Variants in RSRC1 observed in about 807,000 individuals in gnomAD.
RSRC1 encodes arginine and serine rich coiled-coil 1, also known as serine/Arginine-related protein 53.
In RSRC1, 39 loss-of-function variants were observed where a neutral mutation model predicts 49.1. That is an observed-to-expected ratio of 0.79 (90% CI 0.61 to 1.04). The LOEUF (loss-of-function observed/expected upper bound fraction) is 1.04, where lower values mean the gene tolerates loss of function less well. Ranked by LOEUF, RSRC1 falls within the 50% of genes least tolerant of loss-of-function variation. RSRC1 has a pLI of 0.00. For missense variants in RSRC1, 388 were observed against 402.4 expected, an observed-to-expected ratio of 0.96 and a Z score of 0.31; for synonymous variants, 143 against 130.8, an observed-to-expected ratio of 1.09 and a Z score of -0.63.
intron 4 of RSRC1, among the ~76,000 whole-genome samples, chr3:158,263,535 C>G (rs73874350): frequency 0.077 from 11,649 of 152,042 alleles, 538 homozygotes; most frequent in South Asian, 0.13. Context: ...AATGCTGGCC[C>G]AAAGAATGAG....
At chr3:158,193,559 C>T (rs959951023) in intron 3 of RSRC1, among the ~76,000 whole-genome samples, 1 of 151,934 alleles carries the variant, frequency 6.6e-6, no homozygotes, top group Non-Finnish European at 1.5e-5. Context: ...GAAAATAACC[C>T]GTATGTCTAT....
intron 6 of RSRC1, among the ~76,000 whole-genome samples, chr3:158,382,432 G>T (rs933267607): frequency 5.3e-5 from 8 of 152,188 alleles, no homozygotes; most frequent in African/African-American, 1.9e-4. Flanking sequence ...AGCACAGTTG[G>T]TTTGTTTACA....
At chr3:158,258,895 C>A (rs1294291570) in intron 4 of RSRC1, among the ~76,000 whole-genome samples, 1 of 152,016 alleles carries the variant, frequency 6.6e-6, no homozygotes, top group Non-Finnish European at 1.5e-5. Context: ...CTGCTGGATT[C>A]TTTTAAATTA....
intron 6 of RSRC1, among the ~76,000 whole-genome samples, chr3:158,377,480 A>G (rs974167915): frequency 1.3e-5 from 2 of 152,024 alleles, no homozygotes; most frequent in African/African-American, 4.8e-5. Flanking sequence ...TGGTTGTTTA[A>G]AAGAGTGTAG....
chr3:158,125,541 T>C (rs989365751), intron 3 of RSRC1, among the ~76,000 whole-genome samples: 1 of 152,232 alleles, frequency 6.6e-6, no homozygotes, highest in African/African-American at 2.4e-5. Context: ...ATTTTTCTAC[T>C]GCTATTGATG....
At chr3:158,423,705 A>G (rs564714582) in intron 6 of RSRC1, among the ~76,000 whole-genome samples, 121 of 152,282 alleles carry the variant, frequency 7.9e-4, no homozygotes, top group African/African-American at 2.8e-3. Flanking sequence ...CTTCCTACCA[A>G]TGAGCATGGA....
intron 7 of RSRC1, among the ~76,000 whole-genome samples, chr3:158,529,204 A>ATG (rs930396695): frequency 2.1e-4 from 28 of 133,766 alleles, no homozygotes; most frequent in African/African-American, 4.4e-4. Context: ...GTATATATGT[A>ATG]TGTGTGTGTG....
At chr3:158,116,619 A>G (rs555441818) in intron 1 of RSRC1, among the ~76,000 whole-genome samples, 7 of 152,218 alleles carry the variant, frequency 4.6e-5, no homozygotes, top group African/African-American at 1.7e-4. Context: ...ATTTGTGCTA[A>G]GGTGCCAGCA....
intron 4 of RSRC1, 145 bp downstream of exon 4, chr3:158,203,390 A>T (rs571390836): frequency 1.8e-4 from 131 of 737,548 alleles, no homozygotes; most frequent in Non-Finnish European, 2.2e-4. Context: ...AATACAGTAG[A>T]GAAGGAAGAA....
chr3:158,420,833 G>C (rs1021946791), intron 6 of RSRC1, among the ~76,000 whole-genome samples: 10 of 151,834 alleles, frequency 6.6e-5, no homozygotes, highest in Admixed American at 3.3e-4. Flanking sequence ...TCTATATGCA[G>C]ACAACTCTGT....
intron 5 of RSRC1, chr3:158,336,341 A>G (rs576588379): frequency 1.3e-5 from 2 of 152,400 alleles, no homozygotes; most frequent in Admixed American, 6.5e-5. Context: ...GATGCCAATC[A>G]TAATGTTCTG....
chr3:158,242,817 C>G (rs1723669973), intron 4 of RSRC1, among the ~76,000 whole-genome samples: 1 of 152,050 alleles, frequency 6.6e-6, no homozygotes, highest in African/African-American at 2.4e-5. Flanking sequence ...TGATGTTGAG[C>G]TTTTTTTCAT....
chr3:158,245,140 C>CCTTTTTTTTTTTTTTTGTT (rs372285444), intron 4 of RSRC1, among the ~76,000 whole-genome samples: 1 of 146,184 alleles, frequency 6.8e-6, no homozygotes, highest in East Asian at 2.0e-4. Context: ...ATGTTTCTGG[C>CCTTTTTTTTTTTTTTTGTT]TTTTTGATGT....
At chr3:158,353,729 C>T (rs1730999697) in intron 5 of RSRC1, among the ~76,000 whole-genome samples, 2 of 152,068 alleles carry the variant, frequency 1.3e-5, no homozygotes, top group Admixed American at 1.3e-4. Flanking sequence ...TTACAAATAG[C>T]AAAATATTCT....
chr3:158,162,740 TAGTC>T (rs1293072440), intron 3 of RSRC1, among the ~76,000 whole-genome samples: 1 of 152,204 alleles, frequency 6.6e-6, no homozygotes, highest in Admixed American at 6.5e-5. Flanking sequence ...GTTTTGCTAT[TAGTC>T]AGGTAATTAT....
chr3:158,443,246 C>T (rs1003470039), intron 6 of RSRC1, among the ~76,000 whole-genome samples: 1 of 152,132 alleles, frequency 6.6e-6, no homozygotes, highest in African/African-American at 2.4e-5. Context: ...GACTTCCTCT[C>T]TCTACCTATG....
At chr3:158,515,899 G>T (rs1436612576) in intron 7 of RSRC1, among the ~76,000 whole-genome samples, 1 of 151,660 alleles carries the variant, frequency 6.6e-6, no homozygotes, top group African/African-American at 2.4e-5. Flanking sequence ...ATCGGCTCCT[G>T]AGGCTTCTGC....
intron 4 of RSRC1, among the ~76,000 whole-genome samples, chr3:158,222,619 C>T (rs1458805506): frequency 6.6e-6 from 1 of 151,550 alleles, no homozygotes; most frequent in African/African-American, 2.4e-5. Flanking sequence ...TCCCCCACCC[C>T]TTATATTTCC....
At chr3:158,391,935 A>T (rs12053869) in intron 6 of RSRC1, among the ~76,000 whole-genome samples, 1 of 151,952 alleles carries the variant, frequency 6.6e-6, no homozygotes, top group Non-Finnish European at 1.5e-5. Context: ...GCACAGCTAG[A>T]GTGAAATAAG....
Sources: allele counts gnomAD v4.1 joint callset (sites outside exome capture counted in the v4.1 genomes callset), GRCh38; gene constraint gnomAD v4.1.1; transcripts MANE v1.5; gene names NCBI Gene and HGNC (gene_info 2026-07-23, HGNC 2026-07-21).